The following DLG2 variants were observed in gnomAD, a reference collection of about 807,000 sequenced individuals.
DLG2 encodes the protein disks large homolog 2.
In DLG2, 45 loss-of-function variants were observed where a neutral mutation model predicts 132.5. That is an observed-to-expected ratio of 0.34 (90% CI 0.27 to 0.44). DLG2 has a LOEUF of 0.44. Ranked by LOEUF, DLG2 falls within the 20% of genes least tolerant of loss-of-function variation. The probability of loss-of-function intolerance (pLI) is 1.00; values close to 1 mark genes in which losing one functional copy is unlikely to be tolerated. For missense variants in DLG2, 1,045 were observed against 1,196.9 expected, an observed-to-expected ratio of 0.87 and a Z score of 1.87; for synonymous variants, 424 against 419.6, an observed-to-expected ratio of 1.01 and a Z score of -0.13.
At chr11:84,669,002 T>C (rs1249169053) in intron 6 of DLG2, among the ~76,000 whole-genome samples, 2 of 151,958 alleles carry the variant, frequency 1.3e-5, no homozygotes, top group East Asian at 1.9e-4. Flanking sequence ...TATCTTCAAA[T>C]TGGGGGAGTA....
intron 7 of DLG2, among the ~76,000 whole-genome samples, chr11:84,257,847 T>C (rs191788389): frequency 2.6e-5 from 4 of 151,948 alleles, no homozygotes; most frequent in Admixed American, 6.6e-5. Context: ...CCACCATGCC[T>C]GGCTAATTTT....
At chr11:84,535,677 A>G (rs549362998) in intron 6 of DLG2, among the ~76,000 whole-genome samples, 1 of 151,996 alleles carries the variant, frequency 6.6e-6, no homozygotes, top group South Asian at 2.1e-4. Flanking sequence ...TCTAGTTTGT[A>G]CCCCTTTTCC....
rs546193684 is a variant in DLG2, at chr11:83,507,119, A to T, written c.2194-22891T>A. Reference sequence around the variant, plus strand: ...ATATGGTCAAAAGTATTATGTATAGAGTCAATAAACTCCTTGCCTCTCACA... The same window carrying T: ...ATATGGTCAAAAGTATTATGTATAGTGTCAATAAACTCCTTGCCTCTCACA... On this transcript the variant is annotated intron_variant, in intron 21 of 27. Transcript: ENST00000376104. Among the ~76,000 whole-genome samples, 14 of 152,256 alleles carry T rather than the reference A, an allele frequency of 9.2e-5. No homozygotes were observed. In the East Asian group the frequency reaches 2.7e-3, roughly 29 times the overall value.
chr11:84,393,006 G>T (rs998433203), intron 7 of DLG2, among the ~76,000 whole-genome samples: 1 of 152,110 alleles, frequency 6.6e-6, no homozygotes, highest in Non-Finnish European at 1.5e-5. Flanking sequence ...AAAAGACATT[G>T]GTACTCATGC....
chr11:85,558,404 C>T (rs1396132096), intron 3 of DLG2, among the ~76,000 whole-genome samples: 1 of 151,878 alleles, frequency 6.6e-6, no homozygotes, highest in African/African-American at 2.4e-5. Flanking sequence ...GAACTTAAAA[C>T]AGAACCACCA....
At chr11:85,279,728 A>G (rs553034279) in intron 4 of DLG2, among the ~76,000 whole-genome samples, 1 of 152,258 alleles carries the variant, frequency 6.6e-6, no homozygotes, top group East Asian at 1.9e-4. Context: ...ACAGCAAAAA[A>G]AAAAATTGTT....
At chr11:84,086,376 T>G (rs911219789) in intron 10 of DLG2, among the ~76,000 whole-genome samples, 1 of 152,194 alleles carries the variant, frequency 6.6e-6, no homozygotes, top group South Asian at 2.1e-4. Context: ...ACTTTAAAAT[T>G]TGCCCTTTTA....
intron 19 of DLG2, among the ~76,000 whole-genome samples, chr11:83,553,889 C>CTT (rs57434000): frequency 0.05 from 7,084 of 142,794 alleles, 520 homozygotes; most frequent in African/African-American, 0.16. Context: ...ACAATCTTTT[C>CTT]TTTTTTTTTC....
At position 85,367,228 on chromosome 11, in the gene DLG2, G is replaced by A. The variant is rs1169910196; in HGVS notation, c.41-81863C>T. Among the ~76,000 whole-genome samples the A allele has an allele frequency of 2.0e-5, 3 of 152,162 alleles. No homozygotes were observed. In the East Asian group the frequency reaches 5.8e-4, roughly 29 times the overall value. On this transcript the variant is annotated intron_variant, in intron 3 of 27. Coordinates refer to ENST00000376104, the MANE Select transcript of DLG2 (RefSeq NM_001142699.3). The stretch of plus-strand genomic sequence containing the variant: ...TTGTTTTCCTTCATTTATTATGAGG[G>A]ATGATTGTTCAAATGTTCTAGAGGC...
At chr11:83,658,510 C>T (rs907644505) in intron 18 of DLG2, among the ~76,000 whole-genome samples, 11 of 152,178 alleles carry the variant, frequency 7.2e-5, no homozygotes, top group Non-Finnish European at 1.6e-4. Flanking sequence ...GTATATTTTG[C>T]AATTGTAACT....
At position 84,236,049 on chromosome 11, in the gene DLG2, TAA is replaced by T. The variant is rs55876762; in HGVS notation, c.573+15187_573+15188del. ...ATATTTCCACCTTTCTCCATTTTAT[TAA>T]AAAAAAAAAAAAACAACTAAGGCTC... On this transcript the variant is annotated intron_variant, in intron 8 of 27. Transcript: ENST00000376104. 1.3e-3 allele frequency among the ~76,000 whole-genome samples: 192 copies of T among 143,390 alleles called. 3 individuals are homozygous for T. Among genetic ancestry groups the T allele is most frequent in the African/African-American group, 4.6e-3 (178 of 38,900 alleles). 94.1% of individuals were successfully genotyped at this position (143,390 alleles called of 152,430 possible).
intron 7 of DLG2, among the ~76,000 whole-genome samples, chr11:84,301,504 A>C (rs944256797): frequency 2.6e-5 from 4 of 151,850 alleles, no homozygotes; most frequent in Non-Finnish European, 4.4e-5. Flanking sequence ...AAAAATACAA[A>C]AAAAAATTAG....
intron 7 of DLG2, among the ~76,000 whole-genome samples, chr11:84,297,568 C>T (rs188232057): frequency 6.6e-6 from 1 of 152,136 alleles, no homozygotes; most frequent in African/African-American, 2.4e-5. Context: ...CATTATCTCT[C>T]GGTTACAAGT....
chr11:83,525,507 G>A (rs958284102), intron 21 of DLG2, among the ~76,000 whole-genome samples: 2 of 152,198 alleles, frequency 1.3e-5, no homozygotes, highest in Non-Finnish European at 2.9e-5. Flanking sequence ...GCAGTATAGG[G>A]AAAGAATCCG....
At chr11:84,702,691 T>A (rs551251300) in intron 6 of DLG2, among the ~76,000 whole-genome samples, 2 of 151,664 alleles carry the variant, frequency 1.3e-5, no homozygotes, top group Non-Finnish European at 3.0e-5. Context: ...GAAACCTTTA[T>A]TGACCTCACA....
intron 18 of DLG2, among the ~76,000 whole-genome samples, chr11:83,737,953 A>G (rs1269829351): frequency 1.3e-5 from 2 of 152,030 alleles, no homozygotes; most frequent in Admixed American, 1.3e-4. Context: ...CTTCTCTTTA[A>G]TACCTGTGCC....
At chr11:85,268,766 G>A (rs745797170) in intron 4 of DLG2, among the ~76,000 whole-genome samples, 1 of 152,132 alleles carries the variant, frequency 6.6e-6, no homozygotes. Context: ...AATTAGAATG[G>A]CTAATGCCTC....
intron 15 of DLG2, among the ~76,000 whole-genome samples, chr11:83,878,039 T>C (rs1043511129): frequency 4.6e-5 from 7 of 152,160 alleles, no homozygotes; most frequent in Non-Finnish European, 1.0e-4. Flanking sequence ...GAGAGGCCAG[T>C]CAGATGGAAT....
chr11:84,684,618 C>T (rs1292829081), intron 6 of DLG2, among the ~76,000 whole-genome samples: 1 of 152,186 alleles, frequency 6.6e-6, no homozygotes, highest in Non-Finnish European at 1.5e-5. Context: ...GAGTCACTTA[C>T]AAAGCCATGT....
Sources: allele counts gnomAD v4.1 joint callset (sites outside exome capture counted in the v4.1 genomes callset), GRCh38; gene constraint gnomAD v4.1.1; transcripts MANE v1.5; gene names NCBI Gene and HGNC (gene_info 2026-07-23, HGNC 2026-07-21).